Variants in ZFAND3 observed in about 807,000 individuals in gnomAD.
ZFAND3 encodes AN1-type zinc finger protein 3.
ZFAND3 carries 10 observed loss-of-function variants against 29.6 expected under a neutral mutation model. That is an observed-to-expected ratio of 0.34 (90% CI 0.21 to 0.57). ZFAND3 has a LOEUF of 0.57. Ranked by LOEUF, ZFAND3 falls within the 20% of genes least tolerant of loss-of-function variation. The pLI, the probability that ZFAND3 is intolerant of heterozygous loss-of-function variation, is 0.86. For missense variants in ZFAND3, 230 were observed against 304.5 expected, an observed-to-expected ratio of 0.76 and a Z score of 1.82; for synonymous variants, 128 against 112.6, an observed-to-expected ratio of 1.14 and a Z score of -0.87.
In ZFAND3 at chr6:37,909,621, T is replaced by A. The variant is rs1464049081; in HGVS notation, c.72-20338T>A. On this transcript the variant is annotated intron_variant, in intron 1 of 5. Coordinates refer to ENST00000287218, the MANE Select transcript of ZFAND3 (RefSeq NM_021943.3). ...ATGTTAAGAATTTTGTTCAGAATTC[T>A]TTTTTTTTTTTTTTTTTTGATGTTT... is the stretch of plus-strand genomic sequence containing the variant. Among the ~76,000 whole-genome samples the A allele has an allele frequency of 4.1e-4, 15 of 36,842 alleles. 1 individual carries two copies. The highest frequency in any genetic ancestry group is 7.7e-4 in the South Asian group (1 of 1,302). 24.2% of individuals were successfully genotyped at this position (36,842 alleles called of 152,430 possible).
At chr6:37,963,096 T>G (rs532501565) in intron 2 of ZFAND3, among the ~76,000 whole-genome samples, 55 of 152,152 alleles carry the variant, frequency 3.6e-4, no homozygotes, top group African/African-American at 1.3e-3. Context: ...GGACACACCA[T>G]CTTTATGAAC....
In ZFAND3 at chr6:37,819,851, C is replaced by A. The variant is rs1334060590; in HGVS notation, c.-95C>A. On this transcript the variant is annotated 5_prime_UTR_variant, in exon 1 of 6. Transcript: ENST00000287218. ...TCCTTCCCCCTCCCCCCGCCCCGAG[C>A]CCCCCGACGCCGCCGCCACCGCCTC... is the stretch of plus-strand genomic sequence containing the variant. 6 of 616,850 alleles carry A rather than the reference C, an allele frequency of 9.7e-6. No individual in the cohort carries two copies. In the East Asian group the frequency reaches 1.8e-4, roughly 19 times the overall value. The allele number at this position is 616,850 out of a possible 1,614,324, so 38.2% of individuals were successfully genotyped here.
rs66941014 is a variant in ZFAND3 at position 37,918,951 on chromosome 6, C to CTTTTTTT, written c.72-10994_72-10988dup. Among the ~76,000 whole-genome samples the CTTTTTTT allele has an allele frequency of 2.8e-3, 292 of 104,696 alleles. 32 individuals carry two copies. The highest frequency in any genetic ancestry group is 6.7e-3 in the African/African-American group (165 of 24,564). The allele number at this position is 104,696 out of a possible 152,430, so 68.7% of individuals were successfully genotyped here. ...TGTGTTTTCAAAACATGAAAAATGC[C>CTTTTTTT]TTTTTTTTTTTTTTTTTTTTGAGAC... On this transcript the variant is annotated intron_variant, in intron 1 of 5. Coordinates refer to ENST00000287218, the MANE Select transcript of ZFAND3 (RefSeq NM_021943.3).
intron 1 of ZFAND3, among the ~76,000 whole-genome samples, chr6:37,868,353 T>C (rs1291802546): frequency 6.6e-6 from 1 of 152,062 alleles, no homozygotes; most frequent in Non-Finnish European, 1.5e-5. Flanking sequence ...ATCAACCTGA[T>C]AAAGTTAGGA....
intron 2 of ZFAND3, among the ~76,000 whole-genome samples, chr6:37,956,337 C>T (rs1002386449): frequency 6.6e-6 from 1 of 152,070 alleles, no homozygotes; most frequent in East Asian, 1.9e-4. Flanking sequence ...TTAAAAGTTC[C>T]CAGGTGCTGC....
At chr6:37,820,646 T>C (rs2127362200) in intron 1 of ZFAND3, among the ~76,000 whole-genome samples, 2 of 152,350 alleles carry the variant, frequency 1.3e-5, no homozygotes, top group East Asian at 3.9e-4. Context: ...ATGTAAAATT[T>C]CCTTGTCAAA....
intron 2 of ZFAND3, among the ~76,000 whole-genome samples, chr6:38,016,585 T>C (rs915511593): frequency 1.4e-4 from 22 of 152,214 alleles, no homozygotes; most frequent in African/African-American, 5.3e-4. Context: ...AAAAAGCTCC[T>C]TTAAAAATAG....
chr6:38,048,360 A>G (rs958502398), intron 2 of ZFAND3, among the ~76,000 whole-genome samples: 1 of 151,696 alleles, frequency 6.6e-6, no homozygotes, highest in Non-Finnish European at 1.5e-5. Context: ...GGTGGCTCAC[A>G]TCTGTAATCC....
intron 2 of ZFAND3, among the ~76,000 whole-genome samples, chr6:37,965,343 A>G (rs1762274733): frequency 6.6e-6 from 1 of 152,178 alleles, no homozygotes; most frequent in Non-Finnish European, 1.5e-5. Context: ...TGTGAGTAGC[A>G]CTGTCCTGGT....
intron 2 of ZFAND3, among the ~76,000 whole-genome samples, chr6:38,005,506 A>G (rs1763033072): frequency 6.6e-6 from 1 of 152,184 alleles, no homozygotes; most frequent in Non-Finnish European, 1.5e-5. Context: ...GAATCATGTA[A>G]TGTGGTAGAA....
chr6:38,151,512 G>A (rs891688230), intron 5 of ZFAND3, among the ~76,000 whole-genome samples: 1 of 151,390 alleles, frequency 6.6e-6, no homozygotes, highest in Admixed American at 6.6e-5. Context: ...GGGGGTCCGA[G>A]TGTGGGCATC....
intron 2 of ZFAND3, among the ~76,000 whole-genome samples, chr6:38,050,906 A>C (rs1024149970): frequency 2.6e-5 from 4 of 152,220 alleles, no homozygotes; most frequent in African/African-American, 9.7e-5. Flanking sequence ...AAACAGATGC[A>C]GTGGTCAGCT....
At chr6:37,945,438 C>T (rs1159334749) in intron 2 of ZFAND3, among the ~76,000 whole-genome samples, 4 of 152,164 alleles carry the variant, frequency 2.6e-5, no homozygotes, top group Non-Finnish European at 1.5e-5. Flanking sequence ...CTCTGTCTCC[C>T]AGGGTGGATT....
Position 38,098,056 on chromosome 6 carries a change from C to T in ZFAND3, c.361+15599C>T, listed in dbSNP as rs150364173. Among the ~76,000 whole-genome samples the T allele has an allele frequency of 3.9e-4, 59 of 152,244 alleles. No individual in the cohort carries two copies. In the East Asian group the frequency reaches 0.01, roughly 27 times the overall value. ...TCCTTTTTTGTTGTATTGCTTTTTT[C>T]TAGCCTGGCCCCACCCCGCTTTTTG... On this transcript the variant is annotated intron_variant, in intron 4 of 5. Transcript: ENST00000287218.
At chr6:38,136,824 G>C (rs1765850824) in intron 5 of ZFAND3, among the ~76,000 whole-genome samples, 1 of 152,214 alleles carries the variant, frequency 6.6e-6, no homozygotes, top group Non-Finnish European at 1.5e-5. Context: ...GTGCATCCTT[G>C]TGATGAATGC....
intron 2 of ZFAND3, among the ~76,000 whole-genome samples, chr6:37,963,926 A>G (rs1200695805): frequency 1.3e-5 from 2 of 152,220 alleles, no homozygotes; most frequent in Non-Finnish European, 2.9e-5. Flanking sequence ...CAACATCTCA[A>G]TTATGAGTCT....
intron 2 of ZFAND3, among the ~76,000 whole-genome samples, chr6:37,947,935 T>G (rs1011717977): frequency 1.3e-5 from 2 of 152,240 alleles, no homozygotes; most frequent in South Asian, 4.1e-4. Context: ...TTTCCAGAGA[T>G]CTTTCTGTTA....
At chr6:38,142,622 A>G (rs1224161033) in intron 5 of ZFAND3, among the ~76,000 whole-genome samples, 3 of 152,212 alleles carry the variant, frequency 2.0e-5, no homozygotes, top group African/African-American at 7.2e-5. Flanking sequence ...TACTGAAAGG[A>G]GGATAAGGTC....
At chr6:37,890,325 A>G (rs879481981) in intron 1 of ZFAND3, among the ~76,000 whole-genome samples, 1 of 151,864 alleles carries the variant, frequency 6.6e-6, no homozygotes, top group Non-Finnish European at 1.5e-5. Flanking sequence ...AGATGCTTAC[A>G]TGAGTGATCC....
Sources: allele counts gnomAD v4.1 joint callset (sites outside exome capture counted in the v4.1 genomes callset), GRCh38; gene constraint gnomAD v4.1.1; transcripts MANE v1.5; gene names NCBI Gene and HGNC (gene_info 2026-07-23, HGNC 2026-07-21).